Variants in SMC2 observed in about 807,000 individuals in gnomAD.
SMC2 encodes structural maintenance of chromosomes 2.
In SMC2, 41 loss-of-function variants were observed where a neutral mutation model predicts 142.6. The observed-to-expected ratio is 0.29, with a 90% CI of 0.22 to 0.37. The LOEUF (loss-of-function observed/expected upper bound fraction) is 0.37. SMC2 is among the 10% of genes least tolerant of loss of function. The pLI is 1.00. For synonymous variants in SMC2, 463 were observed against 457.5 expected (o/e 1.01, Z -0.15); for missense variants, 1,265 against 1,373.7 (o/e 0.92, Z 1.25).
At chr9:104,107,792 C>T (rs144881430) in intron 9 of SMC2, among the ~76,000 whole-genome samples, 265 of 152,312 alleles carry the variant, frequency 1.7e-3, no homozygotes, top group Admixed American at 3.9e-3. Flanking sequence ...CCAGACTAGG[C>T]GAGTGCATTG....
chr9:104,122,280 A>T (rs1288150316), intron 16 of SMC2, among the ~76,000 whole-genome samples: 1 of 152,202 alleles, frequency 6.6e-6, no homozygotes. Context: ...TTTTGAAAAA[A>T]ATGAGAATGG....
intron 6 of SMC2, 31 bp downstream of exon 6, chr9:104,100,234 G>T: frequency 6.8e-7 from 1 of 1,476,236 alleles, no homozygotes; most frequent in Non-Finnish European, 9.2e-7. Flanking sequence ...TATTTTCGGA[G>T]AAGAATGTAA....
chr9:104,103,480 T>A (rs1831397687), intron 9 of SMC2, among the ~76,000 whole-genome samples: 1 of 152,176 alleles, frequency 6.6e-6, no homozygotes, highest in Non-Finnish European at 1.5e-5. Context: ...AGAAAAGTCG[T>A]CATTTGTGAT....
In SMC2 at chr9:104,134,422, A is replaced by G. The variant is rs762988408; in HGVS notation, c.3116A>G (p.Lys1039Arg). The G allele has an allele frequency of 6.4e-7, 1 of 1,573,206 alleles. No individual in the cohort carries two copies. The change falls in exon 23 of 25, where the codon AAG becomes AGG. Residue 1039 changes from lysine to arginine, a missense_variant. Lys to Arg is a conservative substitution (Grantham distance 26, BLOSUM62 2). Around this residue, in one of 4 missense-constraint regions of SMC2, gnomAD observed 192 missense variants for 261.9 expected, o/e 0.73. Transcript: ENST00000374793. ...TTTATTTTTTAAATCCAGGTGAACAAGGACTTTGGGTCTATTTTTTCTACT... is the reference window on the plus strand; with the variant it reads ...TTTATTTTTTAAATCCAGGTGAACAGGGACTTTGGGTCTATTTTTTCTACT... ...ALNIAWQKVNKDFGSIFSTLL... is the reference protein window; with the variant it reads ...ALNIAWQKVNRDFGSIFSTLL...
At chr9:104,130,352 A>G (rs1287767090) in intron 21 of SMC2, among the ~76,000 whole-genome samples, 2 of 152,096 alleles carry the variant, frequency 1.3e-5, no homozygotes, top group African/African-American at 4.8e-5. Flanking sequence ...ACTGTCATCT[A>G]GTGATGAACT....
At chr9:104,127,711 G>A (rs1834469825) in intron 20 of SMC2, among the ~76,000 whole-genome samples, 1 of 152,026 alleles carries the variant, frequency 6.6e-6, no homozygotes, top group Admixed American at 6.6e-5. Context: ...CCCATCTACA[G>A]GATGTATTTA....
rs1834117706 is a variant in SMC2, at chr9:104,125,109, A to G, written c.2451+4A>G. 2.6e-6 allele frequency: 4 copies of G among 1,565,556 alleles called. No homozygotes were observed. Among genetic ancestry groups the G allele is most frequent in the Admixed American group, 2.2e-5 (1 of 45,734 alleles). On this transcript the variant is annotated splice_donor_region_variant and intron_variant, in intron 18 of 24. Transcript: ENST00000374793. The stretch of plus-strand genomic sequence containing the variant: ...GAAGATGAAAGAAAAACAACAGGTA[A>G]TAACTTCTTTTTGAAATTGAACCAA...
chr9:104,114,742 T>G lies in SMC2; in HGVS notation c.1584T>G (p.Ser528=). 1 of 1,613,232 alleles carries G rather than the reference T, an allele frequency of 6.2e-7. No homozygotes were observed. Among genetic ancestry groups the G allele is most frequent in the South Asian group, 1.1e-5 (1 of 91,018 alleles). Residue 528 remains serine, a synonymous_variant, in exon 13 of 25, where the codon TCT becomes TCG. Transcript: ENST00000374793. Reference sequence around the variant, plus strand: ...ATTGTGTGAAAGGACTTGTGGCTTCTCTGATTAGTGTGAAAGACACTTCTG... The same window carrying G: ...ATTGTGTGAAAGGACTTGTGGCTTCGCTGATTAGTGTGAAAGACACTTCTG... ...NRNCVKGLVA[S]LISVKDTSAT...
intron 16 of SMC2, among the ~76,000 whole-genome samples, chr9:104,121,196 A>G (rs1216642270): frequency 1.3e-5 from 2 of 148,848 alleles, no homozygotes; most frequent in Non-Finnish European, 2.9e-5. Flanking sequence ...AACAAAGTGC[A>G]TTGTTTGAAA....
In SMC2 at chr9:104,118,203, C is replaced by T. The variant is rs562060334; in HGVS notation, c.1824C>T (p.Ser608=). ...VGPDNVHVAL[S]LVEYKPELQK... is the part of the protein sequence containing the mutation. ...CTGACAACGTTCATGTGGCTCTTTC[C>T]TTGGTTGAATATAAACCAGAACTTC... The change falls in exon 15 of 25, where the codon TCC becomes TCT. Residue 608 remains serine, a synonymous_variant. Transcript: ENST00000374793. 4.9e-5 allele frequency: 79 copies of T among 1,613,796 alleles called. No homozygotes were observed. The South Asian group carries it at 6.4e-4, about 13-fold the overall frequency.
chr9:104,096,740 A>C lies in SMC2; in HGVS notation c.318+443A>C, dbSNP rs532062924. 8.5e-5 allele frequency among the ~76,000 whole-genome samples: 13 copies of C among 152,314 alleles called. No homozygotes were observed. In the South Asian group the frequency reaches 2.5e-3, roughly 29 times the overall value. ...CTTGAGAGCACCAAGAGCAAATCTAACTTATTCCCTACTTCAGTGTTTAAG... is the reference window on the plus strand; with the variant it reads ...CTTGAGAGCACCAAGAGCAAATCTACCTTATTCCCTACTTCAGTGTTTAAG... On this transcript the variant is annotated intron_variant, in intron 3 of 24. Coordinates refer to ENST00000374793, the MANE Select transcript of SMC2 (RefSeq NM_006444.3).
intron 2 of SMC2, among the ~76,000 whole-genome samples, 167 bp from the exon 3 acceptor site, chr9:104,095,981 G>T (rs1394400468): frequency 6.6e-6 from 1 of 152,200 alleles, no homozygotes; most frequent in South Asian, 2.1e-4. Context: ...ATTGCAGGTT[G>T]TTGCCTATTT....
intron 16 of SMC2, among the ~76,000 whole-genome samples, chr9:104,122,555 A>C (rs557164514): frequency 6.6e-5 from 10 of 152,030 alleles, no homozygotes; most frequent in African/African-American, 2.4e-4. Context: ...ACTGCAACTG[A>C]ATTAGCTAAA....
At position 104,118,503 on chromosome 9, in the gene SMC2, C is replaced by G. The variant is rs959061063; in HGVS notation, c.1996+128C>G. The stretch of plus-strand genomic sequence containing the variant: ...TGTTAACTTCTCATTTGTGTGTTTG[C>G]CAGTGCCACCTACCTCCTGTCAAAA... On this transcript the variant is annotated intron_variant, in intron 15 of 24. Transcript: ENST00000374793. The G allele has an allele frequency of 8.4e-6, 6 of 710,076 alleles. No individual in the cohort carries two copies. In the African/African-American group the frequency reaches 1.1e-4, roughly 13 times the overall value. The allele number at this position is 710,076 out of a possible 1,614,324, so 44.0% of individuals were successfully genotyped here.
At chr9:104,115,166 T>C (rs1832942769) in intron 13 of SMC2, among the ~76,000 whole-genome samples, 2 of 152,134 alleles carry the variant, frequency 1.3e-5, no homozygotes, top group Admixed American at 6.5e-5. Context: ...ATTTCTTCAG[T>C]TCTCACTTAT....
At chr9:104,102,910 A>C (rs1423076721) in intron 9 of SMC2, among the ~76,000 whole-genome samples, 1 of 152,188 alleles carries the variant, frequency 6.6e-6, no homozygotes, top group Non-Finnish European at 1.5e-5. Flanking sequence ...AAGTAAGTGG[A>C]GAATAGGAAG....
Position 104,094,424 on chromosome 9 carries a change from T to C in SMC2, c.-115T>C. On this transcript the variant is annotated 5_prime_UTR_variant, in exon 1 of 25. Coordinates refer to ENST00000374793, the MANE Select transcript of SMC2 (RefSeq NM_006444.3). ...CTAGAGAGTTGTTCTGTTCCCTGCC[T>C]TTGTGACCCGGAGGAGCTTTTGGGG... The C allele has an allele frequency of 2.5e-6, 1 of 398,836 alleles. No individual in the cohort carries two copies. The highest frequency in any genetic ancestry group is 4.4e-6 in the Non-Finnish European group (1 of 226,290). 24.7% of individuals were successfully genotyped at this position (398,836 alleles called of 1,614,324 possible). A position where few individuals can be genotyped will look rare whatever the true frequency, so the allele number is the denominator to read the frequency against.
chr9:104,129,515 A>G (rs926976396), intron 20 of SMC2, 130 bp from the exon 21 acceptor site: 1 of 780,970 alleles, frequency 1.3e-6, no homozygotes. Flanking sequence ...AAAAAAAAAA[A>G]AAATTAGTCA....
intron 17 of SMC2, among the ~76,000 whole-genome samples, chr9:104,123,585 CTTTTTT>C (rs1484838861): frequency 6.6e-6 from 1 of 152,048 alleles, no homozygotes; most frequent in South Asian, 2.1e-4. Flanking sequence ...AATTTGGGAT[CTTTTTT>C]TGTATGTTCA....
Sources: allele counts gnomAD v4.1 joint callset (sites outside exome capture counted in the v4.1 genomes callset), GRCh38; gene constraint gnomAD v4.1.1; regional missense constraint gnomAD v4.1.1; transcripts MANE v1.5; gene names NCBI Gene and HGNC (gene_info 2026-07-23, HGNC 2026-07-21).